Variants in ATP2C2 observed in about 807,000 individuals in gnomAD.
ATP2C2 encodes ATPase secretory pathway Ca2+ transporting 2.
Under a neutral mutation model 110.8 loss-of-function variants are expected in ATP2C2, and 171 were observed. The ratio of observed to expected loss-of-function variants is 1.54; its 90% CI spans 1.36 to 1.75. ATP2C2 has a LOEUF of 1.75. Ranked by LOEUF, ATP2C2 falls within the 40% of genes most tolerant of loss-of-function variation. The pLI, the probability that ATP2C2 is intolerant of heterozygous loss-of-function variation, is 0.00. For missense variants in ATP2C2, 1,963 were observed against 1,235.0 expected (o/e 1.59, Z -8.84); for synonymous variants, 804 against 508.4 (o/e 1.58, Z -7.82).
chr16:84,444,297 A>C (rs1026514135), intron 15 of ATP2C2, among the ~76,000 whole-genome samples: 2 of 150,910 alleles, frequency 1.3e-5, no homozygotes, highest in African/African-American at 4.9e-5. Flanking sequence ...ACATGGTGAA[A>C]CCTCATCTCT....
chr16:84,412,332 GTC>G (rs1555557462), intron 6 of ATP2C2, among the ~76,000 whole-genome samples: 38 of 141,946 alleles, frequency 2.7e-4, no homozygotes, highest in African/African-American at 7.1e-4. Context: ...GTGCGTGTGT[GTC>G]TGTATGCGTG....
chr16:84,377,924 C>A (rs1158598967), intron 1 of ATP2C2, among the ~76,000 whole-genome samples: 1 of 152,132 alleles, frequency 6.6e-6, no homozygotes, highest in African/African-American at 2.4e-5. Flanking sequence ...GGCATGGTGC[C>A]CCACTAGCTG....
intron 1 of ATP2C2, among the ~76,000 whole-genome samples, chr16:84,385,801 TG>T (rs1904311034): frequency 6.6e-6 from 1 of 152,178 alleles, no homozygotes; most frequent in Admixed American, 6.5e-5. Flanking sequence ...ATCATGAGCA[TG>T]GGGGAACCAC....
At chr16:84,403,013 G>A (rs1346511646) in intron 2 of ATP2C2, among the ~76,000 whole-genome samples, 1 of 152,110 alleles carries the variant, frequency 6.6e-6, no homozygotes, top group Non-Finnish European at 1.5e-5. Flanking sequence ...CATCTTGGTA[G>A]GTTCTGTGTG....
At position 84,373,237 on chromosome 16, in the gene ATP2C2, C is replaced by T. The variant is rs187952642; in HGVS notation, c.99+4523C>T. On this transcript the variant is annotated intron_variant, in intron 1 of 26. Transcript: ENST00000262429. ...CAATCAGGCTGGGCATGGTGGCTTACGCCTGTAATCCCAGCACTTTGGAAA... is the reference window on the plus strand; with the variant it reads ...CAATCAGGCTGGGCATGGTGGCTTATGCCTGTAATCCCAGCACTTTGGAAA... Among the ~76,000 whole-genome samples, 853 of 152,206 alleles carry T rather than the reference C, an allele frequency of 5.6e-3. 6 individuals carry two copies. Among genetic ancestry groups the T allele is most frequent in the Non-Finnish European group, 8.2e-3 (560 of 68,016 alleles).
chr16:84,397,655 CAAAAAA>C lies in ATP2C2; in HGVS notation c.100-831_100-826del, dbSNP rs58934576. Among the ~76,000 whole-genome samples the C allele has an allele frequency of 1.6e-4, 10 of 63,508 alleles. 1 individual carries two copies. The South Asian group carries it at 8.1e-3, about 52-fold the overall frequency. The allele number at this position is 63,508 out of a possible 152,430, so 41.7% of individuals were successfully genotyped here. On this transcript the variant is annotated intron_variant, in intron 1 of 26. Transcript: ENST00000262429. The stretch of plus-strand genomic sequence containing the variant: ...CACCACTGCACTCCAGCCTGGGTGA[CAAAAAA>C]AAAAAAAAAAAACTTGCTTAAAAAT...
chr16:84,376,848 G>C (rs935352344), intron 1 of ATP2C2, among the ~76,000 whole-genome samples: 1 of 152,206 alleles, frequency 6.6e-6, no homozygotes, highest in Admixed American at 6.5e-5. Flanking sequence ...TCCTGCACGG[G>C]GATCTCTGTG....
At chr16:84,417,631 C>A (rs1409672110) in intron 7 of ATP2C2, among the ~76,000 whole-genome samples, 1 of 152,214 alleles carries the variant, frequency 6.6e-6, no homozygotes, top group Non-Finnish European at 1.5e-5. Context: ...GTGGCTCATA[C>A]CTGTCATCCC....
At chr16:84,408,142 G>A (rs960307504) in intron 3 of ATP2C2, among the ~76,000 whole-genome samples, 3 of 152,170 alleles carry the variant, frequency 2.0e-5, no homozygotes, top group Non-Finnish European at 4.4e-5. Flanking sequence ...GTGGAGAGGC[G>A]AGACCAAGAA....
rs1491400107 is a variant in ATP2C2 at position 84,422,453 on chromosome 16, GAC to G, written c.690_691del (p.Asp230GlufsTer45). The G allele has an allele frequency of 3.1e-6, 5 of 1,613,568 alleles. No homozygotes were observed. The African/African-American group carries it at 6.7e-5, about 22-fold the overall frequency. On this transcript the variant is annotated frameshift_variant, in exon 8 of 27. Transcript: ENST00000262429. LOFTEE classifies it high-confidence loss of function. Reference protein sequence around the residue: ...TGEAEPCSKTDSPLTGGGDLT... With the variant: ...TGEAEPCSKTXSPLTGGGDLT... Reference sequence around the variant, plus strand: ...GGAAGCCGAGCCATGTAGTAAAACAGACAGCCCCTTGACAGGCGGTGGGGACC... The same window carrying G: ...GGAAGCCGAGCCATGTAGTAAAACAGAGCCCCTTGACAGGCGGTGGGGACC...
chr16:84,437,319 C>T (rs1305314304), intron 11 of ATP2C2, among the ~76,000 whole-genome samples: 1 of 151,956 alleles, frequency 6.6e-6, no homozygotes, highest in Non-Finnish European at 1.5e-5. Context: ...TCAGCCTCCT[C>T]AGTAGCTGGG....
intron 1 of ATP2C2, among the ~76,000 whole-genome samples, chr16:84,392,995 T>C (rs1353439571): frequency 2.6e-5 from 4 of 152,154 alleles, no homozygotes. Flanking sequence ...TCCTCACGAT[T>C]TACCCTGAGT....
At chr16:84,400,971 C>T (rs897205609) in intron 2 of ATP2C2, among the ~76,000 whole-genome samples, 1 of 152,094 alleles carries the variant, frequency 6.6e-6, no homozygotes, top group Non-Finnish European at 1.5e-5. Context: ...GTTATTAATC[C>T]CGTGTCAGAT....
chr16:84,391,132 A>AAAAAAAG (rs1031717046), intron 1 of ATP2C2, among the ~76,000 whole-genome samples: 2 of 149,492 alleles, frequency 1.3e-5, no homozygotes, highest in African/African-American at 2.5e-5. Context: ...AAAAAAAAAA[A>AAAAAAAG]AAGAAGAAGA....
rs921748658 is a variant in ATP2C2, at chr16:84,422,766, C to A, written c.843+69C>A. On this transcript the variant is annotated intron_variant, in intron 9 of 26. Coordinates refer to ENST00000262429, the MANE Select transcript of ATP2C2 (RefSeq NM_014861.4). ...TTGAGATTATTATAGGCAAATAATA[C>A]CAGCCTTGCCTACTCCTTAGGAATG... 1.5e-5 allele frequency: 22 copies of A among 1,449,182 alleles called. No homozygotes were observed. The East Asian group carries it at 4.8e-4, about 32-fold the overall frequency. 89.8% of individuals were successfully genotyped at this position (1,449,182 alleles called of 1,614,324 possible). A position where few individuals can be genotyped will look rare whatever the true frequency, so the allele number is the denominator to read the frequency against.
At chr16:84,409,191 T>C (rs939478566) in intron 4 of ATP2C2, among the ~76,000 whole-genome samples, 3 of 152,012 alleles carry the variant, frequency 2.0e-5, no homozygotes, top group Non-Finnish European at 2.9e-5. Flanking sequence ...AAGCAAACTA[T>C]CACAAGGACA....
At position 84,463,891 on chromosome 16, in the gene ATP2C2, C is replaced by A; in HGVS notation, c.*159C>A. On this transcript the variant is annotated 3_prime_UTR_variant, in exon 27 of 27. Transcript: ENST00000262429. The stretch of plus-strand genomic sequence containing the variant: ...GAAAGCTGCAGGAACCTCGTGGGCT[C>A]CAGGGACCCAGGCCCACATCCATCC... The A allele has an allele frequency of 3.1e-6, 2 of 655,388 alleles. No homozygotes were observed. The highest frequency in any genetic ancestry group is 4.3e-4 in the Middle Eastern group (1 of 2,350). 40.6% of individuals were successfully genotyped at this position (655,388 alleles called of 1,614,324 possible).
At chr16:84,462,176 G>C (rs375443936) in intron 26 of ATP2C2, 47 bp downstream of exon 26, 49 of 1,582,124 alleles carry the variant, frequency 3.1e-5, no homozygotes, top group Non-Finnish European at 4.1e-5. Context: ...CCAGGGCCAT[G>C]GGGGGCGGCA....
At chr16:84,398,107 A>G (rs1423923778) in intron 1 of ATP2C2, among the ~76,000 whole-genome samples, 2 of 151,762 alleles carry the variant, frequency 1.3e-5, no homozygotes, top group Non-Finnish European at 2.9e-5. Flanking sequence ...TTATGCTTTA[A>G]AAAAAACACA....
Sources: allele counts gnomAD v4.1 joint callset (sites outside exome capture counted in the v4.1 genomes callset), GRCh38; gene constraint gnomAD v4.1.1; transcripts MANE v1.5; gene names NCBI Gene and HGNC (gene_info 2026-07-23, HGNC 2026-07-21).